DNAH3: variants seen among roughly 807,000 people sequenced by gnomAD.
The protein encoded by DNAH3 is dynein axonemal heavy chain 3.
A neutral mutation model predicts 432.5 loss-of-function variants in DNAH3; 332 were observed. That is an observed-to-expected ratio of 0.77 (90% CI 0.70 to 0.84). The LOEUF is 0.84. Among genes scored for constraint, DNAH3 ranks in the 40% least tolerant of loss-of-function variants. The pLI is 0.00. For missense variants in DNAH3, 4,861 were observed against 5,114.0 expected, an observed-to-expected ratio of 0.95 and a Z score of 1.51; for synonymous variants, 1,956 against 1,900.2, an observed-to-expected ratio of 1.03 and a Z score of -0.76.
intron 11 of DNAH3, among the ~76,000 whole-genome samples, chr16:21,118,735 G>A (rs921446347): frequency 2.6e-5 from 4 of 152,170 alleles, no homozygotes; most frequent in Admixed American, 2.0e-4. Context: ...CCTGGCCCTC[G>A]GCTCAGCCTC....
rs1597444287 is a variant in DNAH3, at chr16:21,128,541, A to G, written c.1083-729T>C. Among the ~76,000 whole-genome samples the G allele has an allele frequency of 3.9e-5, 6 of 151,994 alleles. No homozygotes were observed. In the South Asian group the frequency reaches 1.3e-3, roughly 32 times the overall value. On this transcript the variant is annotated intron_variant, in intron 7 of 61. Transcript: ENST00000261383. ...AACCCCGTCTCTACTAAAAATACAAAAAAATTAGCCGGGTGTGGTGGCGGG... is the reference window on the plus strand; with the variant it reads ...AACCCCGTCTCTACTAAAAATACAAGAAAATTAGCCGGGTGTGGTGGCGGG...
intron 1 of DNAH3, chr16:21,150,515 T>C (rs1482065112): frequency 7.6e-6 from 2 of 262,650 alleles, no homozygotes; most frequent in African/African-American, 2.3e-5. Flanking sequence ...GTCATAGACT[T>C]TGGCCCGCTG....
exon 43 of DNAH3, chr16:21,000,415 C>T: frequency 6.2e-7 from 1 of 1,614,064 alleles, no homozygotes; most frequent in Non-Finnish European, 8.5e-7. Flanking sequence ...TTTGCCAGTG[C>T]CTGTGGGACC....
intron 48 of DNAH3, among the ~76,000 whole-genome samples, chr16:20,984,755 C>T (rs2086105930): frequency 6.6e-6 from 1 of 152,116 alleles, no homozygotes; most frequent in Non-Finnish European, 1.5e-5. Flanking sequence ...ATCACAGCTA[C>T]TCAGGAGGCT....
chr16:21,104,912 GATT>G (rs1422105040), intron 15 of DNAH3, among the ~76,000 whole-genome samples: 3 of 152,174 alleles, frequency 2.0e-5, no homozygotes, highest in African/African-American at 7.2e-5. Flanking sequence ...CTCTCTGCTT[GATT>G]GCCTTCCTAG....
intron 36 of DNAH3, among the ~76,000 whole-genome samples, 161 bp from the exon 37 acceptor site, chr16:21,031,447 T>A (rs908390437): frequency 1.2e-4 from 18 of 152,152 alleles, no homozygotes; most frequent in Admixed American, 1.3e-4. Flanking sequence ...GAGATTGGGA[T>A]CTGGGGCCAG....
intron 16 of DNAH3, among the ~76,000 whole-genome samples, chr16:21,102,944 G>A (rs774522604): frequency 6.6e-5 from 10 of 151,258 alleles, no homozygotes; most frequent in Non-Finnish European, 1.3e-4. Flanking sequence ...TGTTGGTCAG[G>A]ATGGTCTCAA....
intron 41 of DNAH3, among the ~76,000 whole-genome samples, chr16:21,017,624 G>A (rs1270106877): frequency 6.6e-6 from 1 of 152,200 alleles, no homozygotes; most frequent in Non-Finnish European, 1.5e-5. Flanking sequence ...TTGGGCGCAT[G>A]TTTGTTGTCA....
At chr16:21,041,239 C>T (rs746537842) in intron 32 of DNAH3, among the ~76,000 whole-genome samples, 29 of 151,924 alleles carry the variant, frequency 1.9e-4, no homozygotes, top group Non-Finnish European at 2.8e-4. Flanking sequence ...GGCATGGTGG[C>T]GCATGGCTAT....
At chr16:20,987,339 G>A in exon 47 of DNAH3, 1 of 1,614,154 alleles carries the variant, frequency 6.2e-7, no homozygotes, top group Non-Finnish European at 8.5e-7. Flanking sequence ...ATTGGAGGTG[G>A]TTTCCTTCAC....
exon 56 of DNAH3, chr16:20,952,493 T>C (rs2057486817): frequency 1.9e-6 from 3 of 1,613,522 alleles, no homozygotes; most frequent in Non-Finnish European, 2.5e-6. Flanking sequence ...AACATCTGGA[T>C]CTGCCACATA....
chr16:21,041,954 T>C, intron 32 of DNAH3, 73 bp downstream of exon 32: 2 of 1,570,000 alleles, frequency 1.3e-6, no homozygotes, highest in Non-Finnish European at 1.7e-6. Flanking sequence ...ATTATAGGTG[T>C]GAGCCGCCAC....
Position 20,963,948 on chromosome 16 carries a change from G to A in DNAH3, c.9936C>T (p.Ala3312=), listed in dbSNP as rs548033898. Residue 3312 remains alanine, a synonymous_variant, in exon 53 of 62, where the codon GCC becomes GCT. Coordinates refer to ENST00000261383, the Ensembl canonical transcript of DNAH3. ...AGTACTGGTACATCGGCTCGATGTT[G>A]GCCAGGTCCGAGATACAAAAGAAGA... 18 of 1,614,110 alleles carry A rather than the reference G, an allele frequency of 1.1e-5. No homozygotes were observed. In the East Asian group the frequency reaches 4.0e-4, roughly 36 times the overall value.
In DNAH3 at chr16:21,047,494, A is replaced by C. The variant is rs565842758; in HGVS notation, c.4461+2075T>G. Among the ~76,000 whole-genome samples the C allele has an allele frequency of 1.4e-3, 218 of 151,938 alleles. 1 individual carries two copies. Among genetic ancestry groups the C allele is most frequent in the Non-Finnish European group, 2.9e-3 (195 of 67,968 alleles). On this transcript the variant is annotated intron_variant, in intron 31 of 61. Transcript: ENST00000261383. ...GGCTCCTGAGGCTTCTGCATTCTTC[A>C]CGTAGTTCTCTAGCCTTGGTTTTCA...
chr16:21,020,348 G>GTGTGTA lies in DNAH3; in HGVS notation c.5777-480_5777-479insTACACA. 2.8e-3 allele frequency among the ~76,000 whole-genome samples: 195 copies of GTGTGTA among 69,138 alleles called. 7 individuals are homozygous for GTGTGTA. The highest frequency in any genetic ancestry group is 0.018 in the East Asian group (38 of 2,120). 45.4% of individuals were successfully genotyped at this position (69,138 alleles called of 152,430 possible). A position where few individuals can be genotyped will look rare whatever the true frequency, so the allele number is the denominator to read the frequency against. ...ACTGCTGTATAATAATATAGTGTGT[G>GTGTGTA]TATATATATATATATATATAAAATC... is the stretch of plus-strand genomic sequence containing the variant. On this transcript the variant is annotated intron_variant, in intron 40 of 61. Coordinates refer to ENST00000261383, the Ensembl canonical transcript of DNAH3.
At chr16:20,985,802 C>T (rs549413948) in intron 47 of DNAH3, 87 bp from the exon 48 acceptor site, 47 of 1,360,854 alleles carry the variant, frequency 3.5e-5, no homozygotes, top group Admixed American at 1.6e-4. Flanking sequence ...GCATGGGAGA[C>T]GTGGCTTATT....
chr16:21,122,112 A>C (rs781375904), exon 10 of DNAH3: 2 of 1,611,308 alleles, frequency 1.2e-6, no homozygotes, highest in Admixed American at 1.7e-5. Context: ...GGCTCCTTAA[A>C]ATCATTCCCA....
chr16:21,080,493 GCC>G (rs2152772749), intron 20 of DNAH3, among the ~76,000 whole-genome samples: 1 of 152,272 alleles, frequency 6.6e-6, no homozygotes, highest in African/African-American at 2.4e-5. Context: ...TCGAAATCCA[GCC>G]TGTATTTTAT....
At chr16:21,080,127 T>C (rs187836062) in intron 20 of DNAH3, among the ~76,000 whole-genome samples, 448 of 152,200 alleles carry the variant, frequency 2.9e-3, no homozygotes, top group Non-Finnish European at 4.6e-3. Flanking sequence ...TGAAACCCCG[T>C]CTCTACCAAA....
Sources: allele counts gnomAD v4.1 joint callset (sites outside exome capture counted in the v4.1 genomes callset), GRCh38; gene constraint gnomAD v4.1.1; transcripts MANE v1.5; gene names NCBI Gene and HGNC (gene_info 2026-07-23, HGNC 2026-07-21).